The following APRT variants were observed in gnomAD, a reference collection of about 807,000 sequenced individuals.
APRT encodes the protein AMP diphosphorylase.
Under a neutral mutation model 21.0 loss-of-function variants are expected in APRT, and 25 were observed. The ratio of observed to expected loss-of-function variants is 1.19; its 90% CI spans 0.87 to 1.66. APRT has a LOEUF of 1.66. Ranked by LOEUF, APRT falls within the 40% of genes most tolerant of loss-of-function variation. The pLI is 0.00. For missense variants in APRT, 294 were observed against 232.7 expected (o/e 1.26, Z -1.72); for synonymous variants, 153 against 109.0 (o/e 1.40, Z -2.52).
Position 88,811,618 on chromosome 16 carries a change from C to T in APRT, c.119G>A (p.Arg40His). Residue 40 changes from arginine to histidine, a missense_variant, in exon 2 of 5, where the codon CGC becomes CAC. Transcript: ENST00000378364. ...TCGCGCCAGGAGGCCGATGGCGGCGCGGAAGGAGGCGGGGTCCTTCAGGAC... is the reference window on the plus strand; with the variant it reads ...TCGCGCCAGGAGGCCGATGGCGGCGTGGAAGGAGGCGGGGTCCTTCAGGAC... ...SPVLKDPASFRAAIGLLARHL... is the reference protein window; with the variant it reads ...SPVLKDPASFHAAIGLLARHL... 1 of 1,602,866 alleles carries T rather than the reference C, an allele frequency of 6.2e-7. No homozygotes were observed. The highest frequency in any genetic ancestry group is 8.5e-7 in the Non-Finnish European group (1 of 1,175,490).
Position 88,810,021 on chromosome 16 carries a change from C to G in APRT, c.400+49G>C, listed in dbSNP as rs1364000723. On this transcript the variant is annotated intron_variant, in intron 4 of 4. Coordinates refer to ENST00000378364, the MANE Select transcript of APRT (RefSeq NM_000485.3). ...TCACACAGCGAGGTCCTGTCCCACTCCCACCAGGCCCTTGGAGCCACAGCA... is the reference window on the plus strand; with the variant it reads ...TCACACAGCGAGGTCCTGTCCCACTGCCACCAGGCCCTTGGAGCCACAGCA... The G allele has an allele frequency of 6.9e-6, 11 of 1,602,076 alleles. No individual in the cohort carries two copies. In the African/African-American group the frequency reaches 9.4e-5, roughly 14 times the overall value.
chr16:88,809,977 C>T (rs930907433), intron 4 of APRT, 93 bp downstream of exon 4: 7 of 1,567,806 alleles, frequency 4.5e-6, no homozygotes, highest in South Asian at 1.1e-5. Context: ...CTCTGGACAA[C>T]AGTAAGCTGC....
At chr16:88,809,893 G>A in intron 4 of APRT, 53 bp from the exon 5 acceptor site, 5 of 1,600,040 alleles carry the variant, frequency 3.1e-6, no homozygotes, top group South Asian at 1.1e-5. Flanking sequence ...GAGAGCAGGT[G>A]CTCCAGGCCA....
At chr16:88,811,514 G>A in intron 2 of APRT, 36 bp downstream of exon 2, 1 of 1,545,008 alleles carries the variant, frequency 6.5e-7, no homozygotes, top group East Asian at 2.4e-5. Flanking sequence ...GCGCGCAGAG[G>A]CGGAAGCGCC....
At chr16:88,810,254 G>A (rs1012725440) in intron 3 of APRT, 106 bp from the exon 4 acceptor site, 19 of 1,509,986 alleles carry the variant, frequency 1.3e-5, no homozygotes, top group Admixed American at 3.4e-5. Flanking sequence ...CCACCTTGCT[G>A]TTACCTGGCT....
At chr16:88,811,284 C>T in intron 2 of APRT, 1 of 560,162 alleles carries the variant, frequency 1.8e-6, no homozygotes, top group Non-Finnish European at 3.2e-6. Context: ...AGCTTGGGCA[C>T]TCCAGGGAGA....
Position 88,811,627 on chromosome 16 carries a change from G to A in APRT, c.110C>T (p.Ala37Val), listed in dbSNP as rs1429969244. The A allele has an allele frequency of 6.2e-6, 10 of 1,601,982 alleles. No individual in the cohort carries two copies. The South Asian group carries it at 1.1e-4, about 18-fold the overall frequency. ...RDISPVLKDPASFRAAIGLLA... is the reference protein window; with the variant it reads ...RDISPVLKDPVSFRAAIGLLA... ...GAGGCCGATGGCGGCGCGGAAGGAG[G>A]CGGGGTCCTTCAGGACGGGCGAGAT... is the stretch of plus-strand genomic sequence containing the variant. Residue 37 changes from alanine (A) to valine (V), a missense_variant, in exon 2 of 5, where the codon GCC becomes GTC. By Grantham distance (64) the Ala-to-Val change is moderately conservative. Coordinates refer to ENST00000378364, the MANE Select transcript of APRT (RefSeq NM_000485.3).
At position 88,811,907 on chromosome 16, in the gene APRT, T is replaced by G. The variant is rs371641686; in HGVS notation, c.-8A>C. 1.7e-5 allele frequency: 26 copies of G among 1,545,012 alleles called. 1 individual carries two copies. The South Asian group carries it at 2.6e-4, about 16-fold the overall frequency. On this transcript the variant is annotated 5_prime_UTR_variant, in exon 1 of 5. Coordinates refer to ENST00000378364, the MANE Select transcript of APRT (RefSeq NM_000485.3). ...CAGCTCGGAGTCGGCCATGGCCGCG[T>G]GCGAAGAGCCAGCGGCAGCCCGAGC...
At chr16:88,811,745 C>A in intron 1 of APRT, 75 bp downstream of exon 1, 1 of 1,502,418 alleles carries the variant, frequency 6.7e-7, no homozygotes, top group Middle Eastern at 2.2e-4. Context: ...CCCGCCCGCC[C>A]GGAGGTCGCG....
chr16:88,809,883 G>C (rs1196580686), intron 4 of APRT, 43 bp from the exon 5 acceptor site: 2 of 1,603,330 alleles, frequency 1.2e-6, no homozygotes, highest in South Asian at 2.2e-5. Flanking sequence ...CTGGGCTGCA[G>C]AGAGCAGGTG....
Position 88,811,539 on chromosome 16 carries a change from T to C in APRT, c.187+11A>G. On this transcript the variant is annotated intron_variant, in intron 2 of 4. Transcript: ENST00000378364. Reference sequence around the variant, plus strand: ...GCGGAAGCGCCCTAGATGCGGCCACTGGGCACTCGCCTGCGATGTAGTCGA... The same window carrying C: ...GCGGAAGCGCCCTAGATGCGGCCACCGGGCACTCGCCTGCGATGTAGTCGA... The C allele has an allele frequency of 6.3e-7, 1 of 1,581,998 alleles. No homozygotes were observed. Among genetic ancestry groups the C allele is most frequent in the African/African-American group, 1.3e-5 (1 of 74,360 alleles).
In APRT at chr16:88,810,478, C is replaced by T. The variant is rs150156607; in HGVS notation, c.266G>A (p.Arg89Gln). The change falls in exon 3 of 5, where the codon CGG (arginine) becomes CAG (glutamine). Residue 89 changes from arginine (R) to glutamine (Q), a missense_variant. Arg to Gln is a conservative substitution (Grantham distance 43). Coordinates refer to ENST00000378364, the MANE Select transcript of APRT (RefSeq NM_000485.3). ...LGLGCVLIRKRGKLPGPTLWA... is the reference protein window; with the variant it reads ...LGLGCVLIRKQGKLPGPTLWA... Reference sequence around the variant, plus strand: ...CAGAGTGGGGCCTGGCAGCTTCCCCCGCTTTCGGATGAGCACGCAGCCCAG... The same window carrying T: ...CAGAGTGGGGCCTGGCAGCTTCCCCTGCTTTCGGATGAGCACGCAGCCCAG... 1.1e-3 allele frequency: 1,841 copies of T among 1,612,298 alleles called. 5 individuals are homozygous for T. The highest frequency in any genetic ancestry group is 4.1e-3 in the South Asian group (371 of 91,074).
chr16:88,810,584 C>G (rs202116322), intron 2 of APRT, 28 bp from the exon 3 acceptor site: 5 of 1,607,324 alleles, frequency 3.1e-6, no homozygotes, highest in Admixed American at 3.4e-5. Flanking sequence ...AGGAGTGACT[C>G]GGCAGCATGG....
Position 88,811,900 on chromosome 16 carries a change from G to T in APRT, c.-1C>A. On this transcript the variant is annotated 5_prime_UTR_variant, in exon 1 of 5. Transcript: ENST00000378364. The stretch of plus-strand genomic sequence containing the variant: ...CCAGCTGCAGCTCGGAGTCGGCCAT[G>T]GCCGCGTGCGAAGAGCCAGCGGCAG... 2 of 1,548,818 alleles carry T rather than the reference G, an allele frequency of 1.3e-6. No homozygotes were observed. The highest frequency in any genetic ancestry group is 1.2e-5 in the South Asian group (1 of 84,108).
chr16:88,810,323 C>T, intron 3 of APRT, 100 bp downstream of exon 3: 4 of 1,555,456 alleles, frequency 2.6e-6, no homozygotes, highest in Non-Finnish European at 1.7e-6. Context: ...GTAACCACAG[C>T]AGCTCCACTT....
In APRT at chr16:88,810,426, C is replaced by T. The variant is rs770055962; in HGVS notation, c.318G>A (p.Gly106=). Reference sequence around the variant, plus strand: ...CTGGCCACCCCAGCCCTCTTACCTTCCCGTACTCCAGGGAATAGGAGGCCC... The same window carrying T: ...CTGGCCACCCCAGCCCTCTTACCTTTCCGTACTCCAGGGAATAGGAGGCCC... ...TLWASYSLEY[G]KAELEIQKDA... is the part of the protein sequence containing the mutation. The change falls in exon 3 of 5, where the codon GGG becomes GGA. Residue 106 remains glycine, a synonymous_variant. Coordinates refer to ENST00000378364, the MANE Select transcript of APRT (RefSeq NM_000485.3). 1 of 1,611,920 alleles carries T rather than the reference C, an allele frequency of 6.2e-7. No homozygotes were observed. The highest frequency in any genetic ancestry group is 2.2e-5 in the East Asian group (1 of 44,892).
rs1174349899 is a variant in APRT, at chr16:88,810,152, G to T, written c.322-4C>A. Reference sequence around the variant, plus strand: ...CTTTCTGAATCTCCAGCTCAGCCTGGAGTGGGAAGTGGTGTGTGGTCCTCA... The same window carrying T: ...CTTTCTGAATCTCCAGCTCAGCCTGTAGTGGGAAGTGGTGTGTGGTCCTCA... On this transcript the variant is annotated splice_polypyrimidine_tract_variant and splice_region_variant and intron_variant, in intron 3 of 4. Coordinates refer to ENST00000378364, the MANE Select transcript of APRT (RefSeq NM_000485.3). 3 of 1,612,702 alleles carry T rather than the reference G, an allele frequency of 1.9e-6. No homozygotes were observed. Among genetic ancestry groups the T allele is most frequent in the Non-Finnish European group, 1.7e-6 (2 of 1,179,976 alleles).
At position 88,811,607 on chromosome 16, in the gene APRT, C is replaced by G; in HGVS notation, c.130G>C (p.Gly44Arg). The change falls in exon 2 of 5, where the codon GGC becomes CGC. Residue 44 changes from glycine (G) to arginine (R), a missense_variant. Transcript: ENST00000378364. ...KDPASFRAAI[G>R]LLARHLKATH... ...GCCTTCAGGTGTCGCGCCAGGAGGCCGATGGCGGCGCGGAAGGAGGCGGGG... is the reference window on the plus strand; with the variant it reads ...GCCTTCAGGTGTCGCGCCAGGAGGCGGATGGCGGCGCGGAAGGAGGCGGGG... 6.2e-7 allele frequency: 1 copy of G among 1,604,174 alleles called. No homozygotes were observed.
rs772121530 is a variant in APRT at position 88,809,501 on chromosome 16, T to C, written c.*197A>G. ...AAAGCTGTTTACTGCGTTCTCCCGC[T>C]GTGTGTAATTGGGTTCAGTGTGGCT... On this transcript the variant is annotated 3_prime_UTR_variant, in exon 5 of 5. Transcript: ENST00000378364. 13 of 835,288 alleles carry C rather than the reference T, an allele frequency of 1.6e-5. No individual in the cohort carries two copies. The highest frequency in any genetic ancestry group is 3.4e-5 in the African/African-American group (2 of 59,490). 51.7% of individuals were successfully genotyped at this position (835,288 alleles called of 1,614,324 possible). A position where few individuals can be genotyped will look rare whatever the true frequency, so the allele number is the denominator to read the frequency against.
Sources: gnomAD v4.1 joint callset for allele counts on GRCh38, gnomAD v4.1.1 for gene constraint, MANE v1.5 for transcripts, NCBI Gene and HGNC (gene_info 2026-07-23, HGNC 2026-07-21) for gene names.